INTS1: variants seen among roughly 807,000 people sequenced by gnomAD.
The protein encoded by INTS1 is integrator complex subunit 1.
Under a neutral mutation model 241.6 loss-of-function variants are expected in INTS1, and 137 were observed. That is an observed-to-expected ratio of 0.57 (90% CI 0.49 to 0.65). The LOEUF (loss-of-function observed/expected upper bound fraction) is 0.65. Among genes scored for constraint, INTS1 ranks in the 30% least tolerant of loss-of-function variants. The pLI is 0.00. For missense variants in INTS1, 3,073 were observed against 3,032.2 expected, an observed-to-expected ratio of 1.01 and a Z score of -0.32; for synonymous variants, 1,692 against 1,337.8, an observed-to-expected ratio of 1.26 and a Z score of -5.78.
chr7:1,497,333 G>T lies in INTS1; in HGVS notation c.1426-19C>A. On this transcript the variant is annotated intron_variant, in intron 10 of 47. Coordinates refer to ENST00000404767, the MANE Select transcript of INTS1 (RefSeq NM_001080453.3). This position sits in a 1 kb window ranked among gnomAD's most constrained non-coding sequence, Gnocchi z 5.3. ...CCAGGAACTGGGGCAGAGAGAGGCC[G>T]CGTGGGAGGCTGCCCGACAGTGCTG... 1 of 1,605,374 alleles carries T rather than the reference G, an allele frequency of 6.2e-7. No homozygotes were observed. Among genetic ancestry groups the T allele is most frequent in the Non-Finnish European group, 8.5e-7 (1 of 1,175,870 alleles).
rs766102980 is a variant in INTS1 at position 1,497,183 on chromosome 7, G to A, written c.1557C>T (p.Leu519=). 1.2e-6 allele frequency: 2 copies of A among 1,611,420 alleles called. No homozygotes were observed. The highest frequency in any genetic ancestry group is 1.7e-6 in the Non-Finnish European group (2 of 1,179,134). ...EINFQAFCLG[L]MQERKEPQYL... Reference sequence around the variant, plus strand: ...ACTGCGGCTCCTTGCGCTCCTGCATGAGCCCCAGGCAGAAGGCCTGGAAGT... The same window carrying A: ...ACTGCGGCTCCTTGCGCTCCTGCATAAGCCCCAGGCAGAAGGCCTGGAAGT... The change falls in exon 11 of 48, where the codon CTC becomes CTT. Residue 519 remains leucine (L), a synonymous_variant. Coordinates refer to ENST00000404767, the MANE Select transcript of INTS1 (RefSeq NM_001080453.3). This position sits in a 1 kb window ranked among gnomAD's most constrained non-coding sequence, Gnocchi z 5.3.
At chr7:1,502,053 C>T (rs1783206495) in intron 3 of INTS1, among the ~76,000 whole-genome samples, 1 of 152,160 alleles carries the variant, frequency 6.6e-6, no homozygotes, top group Non-Finnish European at 1.5e-5. Flanking sequence ...GCAGCCTGGT[C>T]CCTCCCTGAG....
chr7:1,493,213 T>TTG lies in INTS1; in HGVS notation c.2069-108_2069-107insCA. ...GGCCGCGTCGGGGTGGGGTGGGGGA[T>TTG]GCCGCAGGGTGGGGCGCAGGCCTGA... On this transcript the variant is annotated intron_variant, in intron 15 of 47. Coordinates refer to ENST00000404767, the MANE Select transcript of INTS1 (RefSeq NM_001080453.3). This position sits in a 1 kb window ranked among gnomAD's most constrained non-coding sequence, Gnocchi z 5.3. 3.6e-6 allele frequency: 2 copies of TTG among 559,134 alleles called. No individual in the cohort carries two copies. The highest frequency in any genetic ancestry group is 4.5e-5 in the East Asian group (1 of 22,276). The allele number at this position is 559,134 out of a possible 1,614,324, so 34.6% of individuals were successfully genotyped here.
At chr7:1,502,445 C>G (rs1051799042) in intron 3 of INTS1, among the ~76,000 whole-genome samples, 12 of 152,206 alleles carry the variant, frequency 7.9e-5, no homozygotes, top group African/African-American at 2.9e-4. Context: ...TGCTTTTCAA[C>G]TGAAAACAGG....
In INTS1 at chr7:1,503,807, C is replaced by G. The variant is rs531248122; in HGVS notation, c.58+96G>C. Reference sequence around the variant, plus strand: ...GGAAACAGCCGCGGCTGCGGAACAACCAAGCCCAACGCAGGATCCGCGGCA... The same window carrying G: ...GGAAACAGCCGCGGCTGCGGAACAAGCAAGCCCAACGCAGGATCCGCGGCA... On this transcript the variant is annotated intron_variant, in intron 2 of 47. Coordinates refer to ENST00000404767, the MANE Select transcript of INTS1 (RefSeq NM_001080453.3). 15 of 911,372 alleles carry G rather than the reference C, an allele frequency of 1.6e-5. No individual in the cohort carries two copies. The East Asian group carries it at 3.8e-4, about 23-fold the overall frequency. 56.5% of individuals were successfully genotyped at this position (911,372 alleles called of 1,614,324 possible). A position where few individuals can be genotyped will look rare whatever the true frequency, so the allele number is the denominator to read the frequency against.
chr7:1,498,637 GCTCCGCCCACACCCCCA>G, intron 9 of INTS1, 53 bp downstream of exon 9: 1 of 315,136 alleles, frequency 3.2e-6, no homozygotes, highest in Non-Finnish European at 4.4e-6. Context: ...CCGCACCCCC[GCTCCGCCCACACCCCCA>G]CCCACACCCC....
chr7:1,496,995 G>A (rs1397536385), intron 11 of INTS1, 143 bp downstream of exon 11: 3 of 847,942 alleles, frequency 3.5e-6, no homozygotes, highest in South Asian at 1.8e-5. Flanking sequence ...ACGCGTCACC[G>A]CAAACAGCCT....
chr7:1,473,424 G>A (rs1781567635), intron 42 of INTS1, 142 bp downstream of exon 42: 1 of 1,106,094 alleles, frequency 9.0e-7, no homozygotes, highest in East Asian at 2.6e-5. Context: ...CTGCGCCCTG[G>A]GATGAGCACC....
chr7:1,478,378 G>A lies in INTS1; in HGVS notation c.4618C>T (p.Leu1540=), dbSNP rs760253938. ...GCCAGGAAGGTACCTTTGCTGATCAGGTCCGGCTCCACGCTGCACTGCTCC... is the reference window on the plus strand; with the variant it reads ...GCCAGGAAGGTACCTTTGCTGATCAAGTCCGGCTCCACGCTGCACTGCTCC... ...SGEQCSVEPD[L]ISKVLQGLIE... Residue 1540 remains leucine, a synonymous_variant, in exon 33 of 48, where the codon CTG becomes TTG. Coordinates refer to ENST00000404767, the MANE Select transcript of INTS1 (RefSeq NM_001080453.3). 5 of 1,612,530 alleles carry A rather than the reference G, an allele frequency of 3.1e-6. No homozygotes were observed. The highest frequency in any genetic ancestry group is 2.2e-5 in the South Asian group (2 of 91,086).
chr7:1,474,170 G>T lies in INTS1; in HGVS notation c.5827C>A (p.Leu1943Met). The T allele has an allele frequency of 6.4e-7, 1 of 1,566,330 alleles. No homozygotes were observed. ...GGGCGGGCGGCGGGAGCACACACCA[G>T]CAGCAGGCGGATGAAGGACAGAAGG... ...DCLLSFIRLL[L>M]NYRKSSRHLA... Residue 1943 changes from leucine to methionine, a missense_variant and splice_region_variant, in exon 41 of 48, where the codon CTG (leucine) becomes ATG (methionine). Transcript: ENST00000404767.
In INTS1 at chr7:1,487,449, C is replaced by A. The variant is rs779516283; in HGVS notation, c.2517G>T (p.Gln839His). ...GAGGGGGAGGCCTCCGGGGGGGCCC[C>A]CTGAGGGCCACAGGGGACACGGTGC... ...LLSQLTSLDPQGPPRRPPPHI... is the reference protein window; with the variant it reads ...LLSQLTSLDPHGPPRRPPPHI... The change falls in exon 20 of 48, where the codon CAG becomes CAT. Residue 839 changes from glutamine (Q) to histidine (H), a missense_variant and splice_region_variant. By Grantham distance (24) the Gln-to-His change is conservative. Coordinates refer to ENST00000404767, the MANE Select transcript of INTS1 (RefSeq NM_001080453.3). 1.2e-6 allele frequency: 2 copies of A among 1,610,776 alleles called. No individual in the cohort carries two copies. Among genetic ancestry groups the A allele is most frequent in the Non-Finnish European group, 1.7e-6 (2 of 1,179,324 alleles).
At chr7:1,488,582 C>G (rs917023009) in intron 18 of INTS1, among the ~76,000 whole-genome samples, 3 of 152,158 alleles carry the variant, frequency 2.0e-5, no homozygotes, top group Non-Finnish European at 4.4e-5. Flanking sequence ...ATGCCCAGTC[C>G]TCACAGTGCA....
chr7:1,473,099 C>A lies in INTS1; in HGVS notation c.6043G>T (p.Asp2015Tyr). 6.2e-7 allele frequency: 1 copy of A among 1,610,278 alleles called. No individual in the cohort carries two copies. Among genetic ancestry groups the A allele is most frequent in the Middle Eastern group, 1.7e-4 (1 of 6,050 alleles). The stretch of plus-strand genomic sequence containing the variant: ...TCGCCCTCTTCGTCCAGGCCTCGGT[C>A]GGTCCTGTCGTCCCTGCTGGGCAGG... ...LSLPSRDDRT[D>Y]RGLDEEGEEE... Residue 2015 changes from aspartate to tyrosine, a missense_variant, in exon 43 of 48, where the codon GAC (aspartate) becomes TAC (tyrosine). By Grantham distance (160) the Asp-to-Tyr change is radical. Coordinates refer to ENST00000404767, the MANE Select transcript of INTS1 (RefSeq NM_001080453.3).
In INTS1 at chr7:1,470,890, T is replaced by C. The variant is rs778125850; in HGVS notation, c.6413A>G (p.Gln2138Arg). The C allele has an allele frequency of 1.0e-5, 16 of 1,594,486 alleles. No individual in the cohort carries two copies. The Admixed American group carries it at 1.0e-4, about 10-fold the overall frequency. Residue 2138 changes from glutamine to arginine, a missense_variant, in exon 47 of 48, where the codon CAG becomes CGG. Physicochemically the swap from Gln to Arg is conservative, Grantham distance 43. Coordinates refer to ENST00000404767, the MANE Select transcript of INTS1 (RefSeq NM_001080453.3). ...CLGSQDFEVV[Q>R]TALRNLPEYA... ...CTCAGGCAGGTTCCGGAGGGCCGTC[T>C]GCACCACCTCAAAGTCCTGGCTGCC...
Position 1,497,965 on chromosome 7 carries a change from G to A in INTS1, c.1425+447C>T, listed in dbSNP as rs375863147. On this transcript the variant is annotated intron_variant, in intron 10 of 47. Transcript: ENST00000404767. This position sits in a 1 kb window ranked among gnomAD's most constrained non-coding sequence, Gnocchi z 5.3. ...ACAGGGGCTCATGCCTGTCATCCCA[G>A]CACTTTGGGAGGTTGAGGCAGGAGG... 2.0e-5 allele frequency among the ~76,000 whole-genome samples: 3 copies of A among 152,260 alleles called. No homozygotes were observed. Among genetic ancestry groups the A allele is most frequent in the African/African-American group, 7.2e-5 (3 of 41,470 alleles).
chr7:1,488,835 G>A (rs942725098), intron 18 of INTS1, among the ~76,000 whole-genome samples: 5 of 152,204 alleles, frequency 3.3e-5, no homozygotes, highest in Admixed American at 6.5e-5. Flanking sequence ...AGCCCTGGGC[G>A]TCTCCTAGGC....
chr7:1,490,727 C>T lies in INTS1; in HGVS notation c.2166-1045G>A, dbSNP rs1782509284. Among the ~76,000 whole-genome samples, 4 of 152,246 alleles carry T rather than the reference C, an allele frequency of 2.6e-5. No individual in the cohort carries two copies. In the South Asian group the frequency reaches 8.3e-4, roughly 31 times the overall value. On this transcript the variant is annotated intron_variant, in intron 16 of 47. Transcript: ENST00000404767. ...TTTTGCAGAAACTGACAAGCTCACC[C>T]TGAAATTCACGTGGAAATGAAAGGA...
rs978818949 is a variant in INTS1 at position 1,493,336 on chromosome 7, A to G, written c.2069-230T>C. Reference sequence around the variant, plus strand: ...GGTCTAGAGAGCAGGCAGGGCTGCCAAGAGAGGGTAGGGAGGTGAGGACGG... The same window carrying G: ...GGTCTAGAGAGCAGGCAGGGCTGCCGAGAGAGGGTAGGGAGGTGAGGACGG... On this transcript the variant is annotated intron_variant, in intron 15 of 47. Coordinates refer to ENST00000404767, the MANE Select transcript of INTS1 (RefSeq NM_001080453.3). This position sits in a 1 kb window ranked among gnomAD's most constrained non-coding sequence, Gnocchi z 5.3. 6.6e-6 allele frequency among the ~76,000 whole-genome samples: 1 copy of G among 151,922 alleles called. No individual in the cohort carries two copies. Among genetic ancestry groups the G allele is most frequent in the South Asian group, 2.1e-4 (1 of 4,804 alleles).
At chr7:1,482,425 G>T (rs1562496051) in intron 27 of INTS1, 121 bp downstream of exon 27, 4 of 966,612 alleles carry the variant, frequency 4.1e-6, no homozygotes, top group Admixed American at 2.8e-5. Flanking sequence ...GATCCCCTGA[G>T]GCTACCCGGC....
Sources: gnomAD v4.1 joint callset for allele counts (sites outside exome capture counted in the v4.1 genomes callset) on GRCh38, gnomAD v4.1.1 for gene constraint, Gnocchi (gnomAD v3.1) non-coding constraint, MANE v1.5 for transcripts, NCBI Gene and HGNC (gene_info 2026-07-23, HGNC 2026-07-21) for gene names.